CDC42SE2: variants seen among roughly 807,000 people sequenced by gnomAD.
CDC42SE2 encodes CDC42 small effector protein 2.
In CDC42SE2, 3 loss-of-function variants were observed where a neutral mutation model predicts 11.5. The observed-to-expected ratio is 0.26, with a 90% CI of 0.12 to 0.67. The LOEUF is 0.67. CDC42SE2 is among the 30% of genes least tolerant of loss of function. The pLI is 0.80. For synonymous variants in CDC42SE2, 33 were observed against 34.8 expected (o/e 0.95, Z 0.18); for missense variants, 82 against 106.8 (o/e 0.77, Z 1.02).
At chr5:131,279,433 A>G (rs933396092) in intron 1 of CDC42SE2, among the ~76,000 whole-genome samples, 1 of 148,294 alleles carries the variant, frequency 6.7e-6, no homozygotes, top group Non-Finnish European at 1.5e-5. Context: ...AGTTTGTTAT[A>G]TAGCATTTTC....
In CDC42SE2 at chr5:131,306,022, G is replaced by T. The variant is rs1480000804; in HGVS notation, c.-454-9954G>T. Among the ~76,000 whole-genome samples the T allele has an allele frequency of 5.9e-5, 9 of 152,106 alleles. No homozygotes were observed. The East Asian group carries it at 1.7e-3, about 29-fold the overall frequency. On this transcript the variant is annotated intron_variant, in intron 1 of 4. Transcript: ENST00000505065. ...TTTACAGTAGTTTCACCTTATCTGT[G>T]GTTTTGCATTCTGCAGTTTGAGTTA... is the stretch of plus-strand genomic sequence containing the variant.
chr5:131,304,104 C>G (rs1485720251), intron 1 of CDC42SE2, among the ~76,000 whole-genome samples: 64 of 152,106 alleles, frequency 4.2e-4, no homozygotes, highest in Non-Finnish European at 2.9e-5. Flanking sequence ...GGACCACAGG[C>G]ATGCACCACC....
chr5:131,360,366 C>A (rs928711201), intron 3 of CDC42SE2, among the ~76,000 whole-genome samples: 5 of 152,166 alleles, frequency 3.3e-5, no homozygotes, highest in African/African-American at 1.2e-4. Context: ...GTGATCCACC[C>A]GCCTCTGCCT....
At chr5:131,289,996 C>G (rs777512223) in intron 1 of CDC42SE2, among the ~76,000 whole-genome samples, 4 of 152,082 alleles carry the variant, frequency 2.6e-5, no homozygotes, top group Non-Finnish European at 5.9e-5. Context: ...GTGCGTGCCA[C>G]CATTCTTGGC....
intron 3 of CDC42SE2, among the ~76,000 whole-genome samples, chr5:131,384,582 A>G (rs1057391099): frequency 2.2e-4 from 34 of 152,142 alleles, no homozygotes; most frequent in Admixed American, 2.1e-3. Context: ...TAACATTATC[A>G]TATCTAAGGG....
intron 2 of CDC42SE2, among the ~76,000 whole-genome samples, chr5:131,339,554 C>T (rs1758659060): frequency 6.6e-6 from 1 of 151,944 alleles, no homozygotes. Context: ...TACCTGTAAT[C>T]CCAGGACTTT....
intron 2 of CDC42SE2, among the ~76,000 whole-genome samples, chr5:131,319,347 G>A (rs1758113155): frequency 6.6e-6 from 1 of 151,992 alleles, no homozygotes; most frequent in Non-Finnish European, 1.5e-5. Flanking sequence ...CTTACCCTAG[G>A]GCCATAGAAA....
rs866897584 is a variant in CDC42SE2, at chr5:131,333,596, T to C, written c.-286+17452T>C. Among the ~76,000 whole-genome samples the C allele has an allele frequency of 4.6e-5, 7 of 152,348 alleles. No individual in the cohort carries two copies. The South Asian group carries it at 1.4e-3, about 32-fold the overall frequency. ...TCATGATACTGATTTTTCCTACCCA[T>C]GAGCATGGAATGTTCTTCCATTTGT... On this transcript the variant is annotated intron_variant, in intron 2 of 4. Transcript: ENST00000505065.
chr5:131,272,344 G>A (rs1020201096), intron 1 of CDC42SE2, among the ~76,000 whole-genome samples: 1 of 151,998 alleles, frequency 6.6e-6, no homozygotes, highest in Non-Finnish European at 1.5e-5. Context: ...ATCCTAGTAC[G>A]TTTCCTGATT....
Position 131,359,306 on chromosome 5 carries a change from CAA to C in CDC42SE2, c.-187_-186del. On this transcript the variant is annotated 5_prime_UTR_variant, in exon 3 of 5. Coordinates refer to ENST00000505065, the MANE Select transcript of CDC42SE2 (RefSeq NM_001375635.1). ...TAGAACCAGAAGCAAAGAAAGGAAA[CAA>C]TCCAAATTTTTCTTTATTAAATCGA... 1.6e-6 allele frequency: 1 copy of C among 611,368 alleles called. No homozygotes were observed. The highest frequency in any genetic ancestry group is 2.9e-6 in the Non-Finnish European group (1 of 340,528). The allele number at this position is 611,368 out of a possible 1,614,324, so 37.9% of individuals were successfully genotyped here.
rs760776221 is a variant in CDC42SE2, at chr5:131,391,082, G to A, written c.246G>A (p.Lys82=). ...ANVQMQLVDT[K]AG ...TCCAGATGCAGCTCGTGGATACGAA[G>A]GCGGGATAGCCCTGGTCCTTTCTCC... Residue 82 remains lysine (K), a synonymous_variant, in exon 5 of 5, where the codon AAG becomes AAA. Transcript: ENST00000505065. 1.4e-5 allele frequency: 22 copies of A among 1,612,096 alleles called. No homozygotes were observed. The highest frequency in any genetic ancestry group is 1.7e-4 in the Middle Eastern group (1 of 6,050).
chr5:131,353,909 C>G (rs572833401), intron 2 of CDC42SE2, among the ~76,000 whole-genome samples: 34 of 148,486 alleles, frequency 2.3e-4, no homozygotes, highest in African/African-American at 8.2e-4. Context: ...AAAACTCTGT[C>G]TAAAAAAAAA....
At chr5:131,365,839 G>A (rs556790391) in intron 3 of CDC42SE2, among the ~76,000 whole-genome samples, 89 of 152,204 alleles carry the variant, frequency 5.8e-4, no homozygotes, top group African/African-American at 1.9e-3. Context: ...AAAATTAGCC[G>A]GGTGTGGTGG....
intron 1 of CDC42SE2, among the ~76,000 whole-genome samples, chr5:131,295,724 C>A (rs1368200578): frequency 1.3e-5 from 2 of 151,584 alleles, no homozygotes; most frequent in Non-Finnish European, 2.9e-5. Context: ...GCTCTGTCAC[C>A]CAGGCTGGAG....
chr5:131,315,560 A>G (rs2149728861), intron 1 of CDC42SE2, among the ~76,000 whole-genome samples: 1 of 152,296 alleles, frequency 6.6e-6, no homozygotes, highest in Middle Eastern at 3.4e-3. Context: ...TCAGCTCCAG[A>G]AGATTGTTTC....
intron 3 of CDC42SE2, among the ~76,000 whole-genome samples, chr5:131,365,476 C>T (rs182159965): frequency 6.6e-6 from 1 of 152,198 alleles, no homozygotes; most frequent in Non-Finnish European, 1.5e-5. Context: ...ATAATAACCT[C>T]GTATGGCACA....
chr5:131,375,250 C>T (rs200085571), intron 3 of CDC42SE2, among the ~76,000 whole-genome samples: 1 of 151,666 alleles, frequency 6.6e-6, no homozygotes, highest in Admixed American at 6.6e-5. Flanking sequence ...TTTTTAAAAA[C>T]ATTTGGGGGT....
rs1176164653 is a variant in CDC42SE2, at chr5:131,392,908, A to AACAT, written c.*1824_*1827dup. On this transcript the variant is annotated 3_prime_UTR_variant, in exon 5 of 5. Coordinates refer to ENST00000505065, the MANE Select transcript of CDC42SE2 (RefSeq NM_001375635.1). ...AGGGGCCACATCAGTTGCCAAGAGC[A>AACAT]ACATACATACCGACCTGGCTGAATT... 2 of 152,392 alleles carry AACAT rather than the reference A, an allele frequency of 1.3e-5. No homozygotes were observed. The highest frequency in any genetic ancestry group is 2.9e-5 in the Non-Finnish European group (2 of 68,056). The allele number at this position is 152,392 out of a possible 1,614,324, so 9.4% of individuals were successfully genotyped here.
chr5:131,378,674 T>C (rs999068771), intron 3 of CDC42SE2, among the ~76,000 whole-genome samples: 2 of 152,170 alleles, frequency 1.3e-5, no homozygotes, highest in African/African-American at 4.8e-5. Context: ...AATTGAAAAA[T>C]ATTTTTATTT....
Sources: gnomAD v4.1 joint callset for allele counts (sites outside exome capture counted in the v4.1 genomes callset) on GRCh38, gnomAD v4.1.1 for gene constraint, MANE v1.5 for transcripts, NCBI Gene and HGNC (gene_info 2026-07-23, HGNC 2026-07-21) for gene names.